GRIK1: variants seen among roughly 807,000 people sequenced by gnomAD.
The protein encoded by GRIK1 is glutamate receptor ionotropic, kainate 1.
In GRIK1, 69 loss-of-function variants were observed where a neutral mutation model predicts 105.7. That is an observed-to-expected ratio of 0.65 (90% CI 0.54 to 0.80). The LOEUF (loss-of-function observed/expected upper bound fraction) is 0.80. Among genes scored for constraint, GRIK1 ranks in the 30% least tolerant of loss-of-function variants. GRIK1 has a pLI of 0.00. For synonymous variants in GRIK1, 438 were observed against 431.3 expected, an observed-to-expected ratio of 1.02 and a Z score of -0.19; for missense variants, 1,109 against 1,167.3, an observed-to-expected ratio of 0.95 and a Z score of 0.73.
At chr21:29,938,658 T>G (rs1410027067) in intron 1 of GRIK1, among the ~76,000 whole-genome samples, 1 of 152,172 alleles carries the variant, frequency 6.6e-6, no homozygotes, top group East Asian at 1.9e-4. Context: ...GGAAGCTACC[T>G]GGACTGGGAA....
intron 14 of GRIK1, among the ~76,000 whole-genome samples, chr21:29,565,289 G>A (rs1345016638): frequency 6.6e-6 from 1 of 152,188 alleles, no homozygotes; most frequent in Non-Finnish European, 1.5e-5. Context: ...GCTTTATTGT[G>A]TTTCACAGTT....
chr21:29,932,811 A>T (rs895473188), intron 1 of GRIK1, among the ~76,000 whole-genome samples: 4 of 152,006 alleles, frequency 2.6e-5, no homozygotes, highest in African/African-American at 7.2e-5. Flanking sequence ...AATAGGTTAA[A>T]TTGTAAATAT....
chr21:29,656,435 TC>T (rs2062856446), intron 4 of GRIK1, among the ~76,000 whole-genome samples: 2 of 148,506 alleles, frequency 1.3e-5, no homozygotes. Flanking sequence ...AAGGTAGTTT[TC>T]CGCACAACTC....
rs916092834 is a variant in GRIK1, at chr21:29,923,818, A to G, written c.118+15565T>C. On this transcript the variant is annotated intron_variant, in intron 1 of 17. Coordinates refer to ENST00000327783, the MANE Select transcript of GRIK1 (RefSeq NM_001330994.2). Reference sequence around the variant, plus strand: ...CCGTTAGATAAAATAGGCTTTTCTAAGAGGAGATGATTAGGATTACAGAGG... The same window carrying G: ...CCGTTAGATAAAATAGGCTTTTCTAGGAGGAGATGATTAGGATTACAGAGG... Among the ~76,000 whole-genome samples, 9 of 152,196 alleles carry G rather than the reference A, an allele frequency of 5.9e-5. No individual in the cohort carries two copies. In the East Asian group the frequency reaches 1.5e-3, roughly 26 times the overall value.
chr21:29,756,386 A>G (rs1390169041), intron 1 of GRIK1, among the ~76,000 whole-genome samples: 1 of 152,192 alleles, frequency 6.6e-6, no homozygotes, highest in African/African-American at 2.4e-5. Context: ...ATCTCAAAAA[A>G]GAAAAAATAA....
chr21:29,907,069 C>T (rs2070668547), intron 1 of GRIK1, among the ~76,000 whole-genome samples: 1 of 150,326 alleles, frequency 6.7e-6, no homozygotes, highest in Admixed American at 6.6e-5. Context: ...TTCTGCAAAG[C>T]ACACAGCATG....
chr21:29,637,204 G>A (rs996780454), intron 7 of GRIK1, among the ~76,000 whole-genome samples: 19 of 152,160 alleles, frequency 1.2e-4, no homozygotes, highest in Admixed American at 9.8e-4. Context: ...CTGATGTAAC[G>A]TAAGATCTCT....
rs958260918 is a variant in GRIK1, at chr21:29,537,480, T to C, written c.2695-95A>G. 3.9e-6 allele frequency: 4 copies of C among 1,015,780 alleles called. No homozygotes were observed. In the African/African-American group the frequency reaches 4.8e-5, roughly 12 times the overall value. The allele number at this position is 1,015,780 out of a possible 1,614,324, so 62.9% of individuals were successfully genotyped here. A position where few individuals can be genotyped will look rare whatever the true frequency, so the allele number is the denominator to read the frequency against. On this transcript the variant is annotated intron_variant, in intron 17 of 17. Coordinates refer to ENST00000327783, the MANE Select transcript of GRIK1 (RefSeq NM_001330994.2). Reference sequence around the variant, plus strand: ...CCTAGGTATTTATGAACACAAGATATTGGCTTGAAGGCAGCTCTGTCACAA... The same window carrying C: ...CCTAGGTATTTATGAACACAAGATACTGGCTTGAAGGCAGCTCTGTCACAA...
At position 29,689,721 on chromosome 21, in the gene GRIK1, C is replaced by T. The variant is rs2064869104; in HGVS notation, c.544+7G>A. On this transcript the variant is annotated splice_region_variant and intron_variant, in intron 3 of 17. Coordinates refer to ENST00000327783, the MANE Select transcript of GRIK1 (RefSeq NM_001330994.2). ...TGGTCGGGTGAGGTCTTGTGTGAGT[C>T]CCATACCTGTGCTGTCTTCATACAC... The T allele has an allele frequency of 6.2e-7, 1 of 1,613,268 alleles. No individual in the cohort carries two copies. The highest frequency in any genetic ancestry group is 2.2e-5 in the East Asian group (1 of 44,878).
At chr21:29,936,422 T>C (rs942070456) in intron 1 of GRIK1, among the ~76,000 whole-genome samples, 1 of 152,218 alleles carries the variant, frequency 6.6e-6, no homozygotes, top group African/African-American at 2.4e-5. Flanking sequence ...AGCCACCCAA[T>C]TAAGGAAGAT....
Position 29,567,078 on chromosome 21 carries a change from A to G in GRIK1, c.2131-5229T>C, listed in dbSNP as rs542969462. On this transcript the variant is annotated intron_variant, in intron 14 of 17. Transcript: ENST00000327783. ...CTATTTACCTGACTTTTAATAGCTT[A>G]CACTTGTTTAGACAAGAATTTAGAC... Among the ~76,000 whole-genome samples, 6 of 152,368 alleles carry G rather than the reference A, an allele frequency of 3.9e-5. No individual in the cohort carries two copies. The East Asian group carries it at 9.6e-4, about 24-fold the overall frequency.
chr21:29,838,388 C>T (rs1030158117), intron 1 of GRIK1, among the ~76,000 whole-genome samples: 1 of 152,042 alleles, frequency 6.6e-6, no homozygotes, highest in Non-Finnish European at 1.5e-5. Flanking sequence ...TCCTCATTGG[C>T]CATTTAGCTT....
chr21:29,714,289 A>G (rs2064126371), intron 1 of GRIK1, among the ~76,000 whole-genome samples: 1 of 152,190 alleles, frequency 6.6e-6, no homozygotes. Context: ...CAAAGGATTA[A>G]CTAAGGGTAA....
At chr21:29,870,192 T>A (rs950994395) in intron 1 of GRIK1, among the ~76,000 whole-genome samples, 8 of 152,196 alleles carry the variant, frequency 5.3e-5, no homozygotes, top group African/African-American at 1.9e-4. Context: ...TATATTAGAT[T>A]ACATTTATAT....
intron 1 of GRIK1, among the ~76,000 whole-genome samples, chr21:29,712,410 A>G (rs2064079263): frequency 6.6e-6 from 1 of 152,108 alleles, no homozygotes; most frequent in Non-Finnish European, 1.5e-5. Context: ...AAATTATAAC[A>G]TATTATGAAG....
At chr21:29,761,682 G>A (rs983747042) in intron 1 of GRIK1, among the ~76,000 whole-genome samples, 1 of 150,394 alleles carries the variant, frequency 6.6e-6, no homozygotes, top group Non-Finnish European at 1.5e-5. Context: ...TTTTAAAAAT[G>A]TTTCTTTCTT....
At chr21:29,853,141 T>G (rs1320978046) in intron 1 of GRIK1, among the ~76,000 whole-genome samples, 1 of 152,254 alleles carries the variant, frequency 6.6e-6, no homozygotes, top group East Asian at 1.9e-4. Context: ...TATTTTATGT[T>G]ATCTTTAACA....
intron 3 of GRIK1, among the ~76,000 whole-genome samples, chr21:29,682,559 T>C (rs1275911597): frequency 6.6e-6 from 1 of 152,180 alleles, no homozygotes; most frequent in East Asian, 1.9e-4. Flanking sequence ...TAAATAATGC[T>C]GAGATAACTT....
intron 7 of GRIK1, among the ~76,000 whole-genome samples, chr21:29,629,493 C>CTTTTTTTTTT (rs200848968): frequency 6.8e-6 from 1 of 147,636 alleles, no homozygotes; most frequent in African/African-American, 2.5e-5. Context: ...AATTTTCTTT[C>CTTTTTTTTTT]TTTCTTTTTT....
Sources: gnomAD v4.1 joint callset for allele counts (sites outside exome capture counted in the v4.1 genomes callset) on GRCh38, gnomAD v4.1.1 for gene constraint, MANE v1.5 for transcripts, NCBI Gene and HGNC (gene_info 2026-07-23, HGNC 2026-07-21) for gene names.